The following KCNH8 variants were observed in gnomAD, a reference collection of about 807,000 sequenced individuals.
KCNH8 encodes the protein potassium voltage-gated channel subfamily H member 8, also known as voltage-gated delayed rectifier potassium channel KCNH8.
Under a neutral mutation model 103.6 loss-of-function variants are expected in KCNH8, and 70 were observed. The observed-to-expected ratio is 0.68, with a 90% CI of 0.56 to 0.82. The LOEUF (loss-of-function observed/expected upper bound fraction) is 0.82. Ranked by LOEUF, KCNH8 falls within the 40% of genes least tolerant of loss-of-function variation. The probability of loss-of-function intolerance (pLI) is 0.00; values close to 1 mark genes in which losing one functional copy is unlikely to be tolerated. For missense variants in KCNH8, 1,217 were observed against 1,329.9 expected, an observed-to-expected ratio of 0.92 and a Z score of 1.32; for synonymous variants, 498 against 489.4, an observed-to-expected ratio of 1.02 and a Z score of -0.23.
intron 5 of KCNH8, among the ~76,000 whole-genome samples, chr3:19,353,299 G>C (rs1016386926): frequency 2.6e-5 from 4 of 152,154 alleles, no homozygotes; most frequent in Non-Finnish European, 4.4e-5. Context: ...AATTCTACCA[G>C]AGGTACAAAG....
At chr3:19,248,350 C>G (rs1355618491) in intron 1 of KCNH8, among the ~76,000 whole-genome samples, 1 of 152,152 alleles carries the variant, frequency 6.6e-6, no homozygotes, top group East Asian at 1.9e-4. Context: ...GTATGCAAAA[C>G]ATTTTGAGAC....
chr3:19,278,764 G>A (rs2064714416), intron 2 of KCNH8, among the ~76,000 whole-genome samples: 1 of 152,148 alleles, frequency 6.6e-6, no homozygotes. Flanking sequence ...TCACATCACT[G>A]TAACTTAAAA....
intron 1 of KCNH8, among the ~76,000 whole-genome samples, chr3:19,234,350 G>A (rs1420766250): frequency 1.3e-5 from 2 of 152,216 alleles, no homozygotes; most frequent in African/African-American, 4.8e-5. Flanking sequence ...CGCTCGTGGG[G>A]AGGCTCCGGC....
At chr3:19,510,516 G>A (rs77498995) in intron 12 of KCNH8, 115 bp downstream of exon 12, 36,799 of 720,136 alleles carry the variant, frequency 0.051, 1,023 homozygotes, top group South Asian at 0.075. Flanking sequence ...TTCCCTACTT[G>A]ACTTCCCAAT....
chr3:19,201,293 C>T (rs1449162259), intron 1 of KCNH8, among the ~76,000 whole-genome samples: 2 of 126,606 alleles, frequency 1.6e-5, no homozygotes, highest in African/African-American at 3.0e-5. Context: ...TACTTATATA[C>T]GCTGCTAACA....
intron 7 of KCNH8, among the ~76,000 whole-genome samples, chr3:19,395,721 T>G (rs2066506406): frequency 6.6e-6 from 1 of 152,020 alleles, no homozygotes; most frequent in Non-Finnish European, 1.5e-5. Context: ...GGTGGCGTAT[T>G]AATAGAGAAG....
At chr3:19,409,747 A>T (rs1019096573) in intron 7 of KCNH8, among the ~76,000 whole-genome samples, 2 of 152,152 alleles carry the variant, frequency 1.3e-5, no homozygotes, top group Non-Finnish European at 1.5e-5. Flanking sequence ...CTTTAAAGCA[A>T]CAACAGTAAA....
intron 7 of KCNH8, among the ~76,000 whole-genome samples, chr3:19,414,989 C>A (rs2066840712): frequency 6.6e-6 from 1 of 151,894 alleles, no homozygotes; most frequent in Non-Finnish European, 1.5e-5. Context: ...ACAGATAAAG[C>A]CCTTCAGTTC....
At chr3:19,169,583 G>A (rs1422213961) in intron 1 of KCNH8, among the ~76,000 whole-genome samples, 2 of 152,186 alleles carry the variant, frequency 1.3e-5, no homozygotes, top group East Asian at 3.9e-4. Context: ...TGGAATGAAA[G>A]AAGCGTTGTT....
At chr3:19,233,574 T>G (rs1045146427) in intron 1 of KCNH8, among the ~76,000 whole-genome samples, 2 of 152,208 alleles carry the variant, frequency 1.3e-5, no homozygotes, top group Admixed American at 1.3e-4. Context: ...ATAATATTGT[T>G]TCATTCAAGT....
At chr3:19,416,727 G>T (rs2066868896) in intron 7 of KCNH8, among the ~76,000 whole-genome samples, 1 of 152,132 alleles carries the variant, frequency 6.6e-6, no homozygotes, top group African/African-American at 2.4e-5. Context: ...ATTATCACCT[G>T]CCCTGGGATC....
At chr3:19,270,633 G>C (rs148774049) in intron 2 of KCNH8, among the ~76,000 whole-genome samples, 35 of 152,202 alleles carry the variant, frequency 2.3e-4, no homozygotes, top group African/African-American at 8.2e-4. Context: ...AGTAAGTTGA[G>C]GAAGATGTCT....
chr3:19,154,729 G>A (rs1016575278), intron 1 of KCNH8, among the ~76,000 whole-genome samples: 2 of 152,260 alleles, frequency 1.3e-5, no homozygotes, highest in East Asian at 1.9e-4. Flanking sequence ...CCTCCAGGGC[G>A]GTTTACCCCT....
intron 7 of KCNH8, among the ~76,000 whole-genome samples, chr3:19,397,695 A>T (rs894060582): frequency 6.6e-6 from 1 of 151,790 alleles, no homozygotes; most frequent in Admixed American, 6.6e-5. Flanking sequence ...AAATGACCGA[A>T]AATTTATCTT....
intron 1 of KCNH8, among the ~76,000 whole-genome samples, chr3:19,226,159 A>G (rs1192516779): frequency 1.3e-5 from 2 of 152,174 alleles, no homozygotes; most frequent in Non-Finnish European, 2.9e-5. Context: ...CTTTATATTG[A>G]GAATACAAAT....
intron 3 of KCNH8, among the ~76,000 whole-genome samples, chr3:19,303,790 C>T (rs1489673345): frequency 6.6e-6 from 1 of 152,096 alleles, no homozygotes; most frequent in South Asian, 2.1e-4. Context: ...AATTTGTAAA[C>T]ACTCACACTG....
chr3:19,477,071 G>A (rs946699724), intron 11 of KCNH8, among the ~76,000 whole-genome samples: 1 of 152,146 alleles, frequency 6.6e-6, no homozygotes, highest in Non-Finnish European at 1.5e-5. Context: ...TCCTAGTGTT[G>A]TGCAAAGAAA....
intron 2 of KCNH8, 141 bp from the exon 3 acceptor site, chr3:19,281,057 A>C (rs2064750262): frequency 2.5e-6 from 2 of 789,604 alleles, no homozygotes; most frequent in African/African-American, 1.8e-5. Flanking sequence ...ATGGAACCTG[A>C]AAACTGACAT....
At chr3:19,357,506 TTTGC>T (rs2065894869) in intron 5 of KCNH8, among the ~76,000 whole-genome samples, 1 of 151,946 alleles carries the variant, frequency 6.6e-6, no homozygotes, top group African/African-American at 2.4e-5. Context: ...CACTTGATTG[TTTGC>T]GGCCCCTTTT....
Sources: allele counts gnomAD v4.1 joint callset (sites outside exome capture counted in the v4.1 genomes callset), GRCh38; gene constraint gnomAD v4.1.1; transcripts MANE v1.5; gene names NCBI Gene and HGNC (gene_info 2026-07-23, HGNC 2026-07-21).